The following LPL variants were observed in gnomAD, a reference collection of about 807,000 sequenced individuals.
LPL encodes phospholipase A1.
LPL carries 43 observed loss-of-function variants against 52.2 expected under a neutral mutation model. The ratio of observed to expected loss-of-function variants is 0.82; its 90% confidence interval spans 0.64 to 1.06. The LOEUF is 1.06. Ranked by LOEUF, LPL falls within the 50% of genes least tolerant of loss-of-function variation. The pLI is 0.00. For synonymous variants in LPL, 244 were observed against 215.6 expected (o/e 1.13, Z -1.15); for missense variants, 639 against 585.3 (o/e 1.09, Z -0.95).
At chr8:19,955,530 G>T (rs1401917486) in intron 5 of LPL, among the ~76,000 whole-genome samples, 1 of 152,122 alleles carries the variant, frequency 6.6e-6, no homozygotes, top group Non-Finnish European at 1.5e-5. Context: ...GTAAGAGAAG[G>T]ATGAGATAAA....
Position 19,955,828 on chromosome 8 carries a change from C to G in LPL, c.776-13C>G. On this transcript the variant is annotated splice_polypyrimidine_tract_variant and intron_variant, in intron 5 of 9. Transcript: ENST00000650287. ...CTGCCGAGATACAATCTTGGTGTCTCTTTTTTACCCAGATGTGGACCAGCT... is the reference window on the plus strand; with the variant it reads ...CTGCCGAGATACAATCTTGGTGTCTGTTTTTTACCCAGATGTGGACCAGCT... The G allele has an allele frequency of 6.2e-7, 1 of 1,614,104 alleles. No individual in the cohort carries two copies.
intron 1 of LPL, among the ~76,000 whole-genome samples, chr8:19,947,233 G>A (rs769327264): frequency 7.9e-5 from 12 of 152,008 alleles, no homozygotes; most frequent in East Asian, 1.9e-4. Flanking sequence ...GGCCCGGCCC[G>A]ATGGCTCACA....
rs1184131332 is a variant in LPL at position 19,939,606 on chromosome 8, A to G, written c.88+78A>G. The stretch of plus-strand genomic sequence containing the variant: ...TGCCACCCGAACTGAGGATGAGAAG[A>G]AGGAAGTTGGAAGGGGCGGTGGATG... On this transcript the variant is annotated intron_variant, in intron 1 of 9. Transcript: ENST00000650287. This position sits in a 1 kb window ranked among gnomAD's most constrained non-coding sequence, Gnocchi z 4.0. The G allele has an allele frequency of 1.4e-6, 2 of 1,452,590 alleles. No individual in the cohort carries two copies. Among genetic ancestry groups the G allele is most frequent in the Non-Finnish European group, 1.9e-6 (2 of 1,064,102 alleles). 90.0% of individuals were successfully genotyped at this position (1,452,590 alleles called of 1,614,324 possible).
chr8:19,940,046 C>G (rs2128835290), intron 1 of LPL, among the ~76,000 whole-genome samples: 1 of 152,084 alleles, frequency 6.6e-6, no homozygotes, highest in Admixed American at 6.5e-5. Flanking sequence ...GGGAGGCGTT[C>G]CGGGCATCTC....
rs114997087 is a variant in LPL at position 19,946,684 on chromosome 8, T to A, written c.89-1496T>A. ...ATCTAAAATCTACAAGTTATTACCTTCTTACAGTAAATAGGTGGGTGTTAT... is the reference window on the plus strand; with the variant it reads ...ATCTAAAATCTACAAGTTATTACCTACTTACAGTAAATAGGTGGGTGTTAT... On this transcript the variant is annotated intron_variant, in intron 1 of 9. Transcript: ENST00000650287. 6.1e-3 allele frequency: 1,005 copies of A among 165,236 alleles called. 11 individuals carry two copies. The highest frequency in any genetic ancestry group is 0.023 in the African/African-American group (963 of 41,768). 10.2% of individuals were successfully genotyped at this position (165,236 alleles called of 1,614,324 possible).
rs1192550003 is a variant in LPL, at chr8:19,950,879, G to GAGGAAGGAAGGAAGGAAGGA, written c.250-873_250-872insGGAAGGAAGGAAGGAAGGAA. 3.1e-5 allele frequency among the ~76,000 whole-genome samples: 4 copies of GAGGAAGGAAGGAAGGAAGGA among 127,558 alleles called. No individual in the cohort carries two copies. The highest frequency in any genetic ancestry group is 9.1e-5 in the African/African-American group (3 of 32,970). The allele number at this position is 127,558 out of a possible 152,430, so 83.7% of individuals were successfully genotyped here. On this transcript the variant is annotated intron_variant, in intron 2 of 9. Coordinates refer to ENST00000650287, the MANE Select transcript of LPL (RefSeq NM_000237.3). The surrounding 1 kb of genome is among the most constrained non-coding windows in gnomAD (Gnocchi z 4.2). ...GGAAGGAGGAAGGGAAGGAGGGAGG[G>GAGGAAGGAAGGAAGGAAGGA]AGGAAGGAAGGAAGGAATGAAGGAA... is the stretch of plus-strand genomic sequence containing the variant.
rs1478754328 is a variant in LPL, at chr8:19,954,210, C to A, written c.632C>A (p.Thr211Lys). The change falls in exon 5 of 10, where the codon ACA becomes AAA. Residue 211 changes from threonine to lysine, a missense_variant. Transcript: ENST00000650287. ...GCAGATTTTGTAGACGTCTTACACA[C>A]ATTCACCAGAGGGTCCCCTGGTCGA... Reference protein sequence around the residue: ...DDADFVDVLHTFTRGSPGRSI... With the variant: ...DDADFVDVLHKFTRGSPGRSI... The A allele has an allele frequency of 6.2e-7, 1 of 1,614,202 alleles. No individual in the cohort carries two copies. The highest frequency in any genetic ancestry group is 1.1e-5 in the South Asian group (1 of 91,090).
rs1427026246 is a variant in LPL at position 19,962,232 on chromosome 8, G to A, written c.1427+13G>A. 6 of 1,605,526 alleles carry A rather than the reference G, an allele frequency of 3.7e-6. No homozygotes were observed. Among genetic ancestry groups the A allele is most frequent in the East Asian group, 2.2e-5 (1 of 44,798 alleles). On this transcript the variant is annotated intron_variant, in intron 9 of 9. Transcript: ENST00000650287. The stretch of plus-strand genomic sequence containing the variant: ...AGAAGTCAGGCTGGTGAGCATTCTG[G>A]GCTAAAGCTGACTGGGCATCCTGAG...
Position 19,962,171 on chromosome 8 carries a change from C to T in LPL, c.1379C>T (p.Ala460Val), listed in dbSNP as rs150319057. Residue 460 changes from alanine (A) to valine (V), a missense_variant, in exon 9 of 10, where the codon GCG (alanine) becomes GTG (valine). Physicochemically the swap from Ala to Val is moderately conservative, Grantham distance 64 (BLOSUM62 0). Coordinates refer to ENST00000650287, the MANE Select transcript of LPL (RefSeq NM_000237.3). ...VSHLQKGKAPAVFVKCHDKSL... is the reference protein window; with the variant it reads ...VSHLQKGKAPVVFVKCHDKSL... ...CATTTGCAGAAAGGAAAGGCACCTG[C>T]GGTATTTGTGAAATGCCATGACAAG... The T allele has an allele frequency of 9.9e-5, 159 of 1,613,852 alleles. 1 individual carries two copies. The African/African-American group carries it at 1.6e-3, about 16-fold the overall frequency.
chr8:19,956,723 C>A (rs1471716353), intron 6 of LPL, among the ~76,000 whole-genome samples: 1 of 152,168 alleles, frequency 6.6e-6, no homozygotes, highest in African/African-American at 2.4e-5. Context: ...GGTTTCATGC[C>A]ACCATAACAG....
chr8:19,943,123 G>A (rs2069854234), intron 1 of LPL, among the ~76,000 whole-genome samples: 1 of 152,160 alleles, frequency 6.6e-6, no homozygotes, highest in Admixed American at 6.5e-5. Context: ...AACCCACTTT[G>A]GTGTGTGCGC....
chr8:19,940,429 A>C (rs2069825532), intron 1 of LPL, among the ~76,000 whole-genome samples: 1 of 152,184 alleles, frequency 6.6e-6, no homozygotes, highest in South Asian at 2.1e-4. Flanking sequence ...CGCCGCGTGG[A>C]GGCAGCGAGC....
Position 19,953,906 on chromosome 8 carries a change from C to T in LPL, c.542-214C>T, listed in dbSNP as rs253. ...GAAATCCAGCCATCCTGAGTGGAAACTGCTGCATAAGGCTAGTTTAAGAGA... is the reference window on the plus strand; with the variant it reads ...GAAATCCAGCCATCCTGAGTGGAAATTGCTGCATAAGGCTAGTTTAAGAGA... On this transcript the variant is annotated intron_variant, in intron 4 of 9. Transcript: ENST00000650287. Among the ~76,000 whole-genome samples the T allele has an allele frequency of 0.52, 79,441 of 152,066 alleles. 22,085 individuals carry two copies. Among genetic ancestry groups the T allele is most frequent in the African/African-American group, 0.72 (30,010 of 41,498 alleles).
At chr8:19,964,204 G>T (rs913322436) in intron 9 of LPL, among the ~76,000 whole-genome samples, 1 of 151,874 alleles carries the variant, frequency 6.6e-6, no homozygotes, top group Non-Finnish European at 1.5e-5. Context: ...CACCTGCCTC[G>T]GCCTCCCAAA....
Position 19,939,471 on chromosome 8 carries a change from C to T in LPL, c.31C>T (p.Leu11=). 6.2e-7 allele frequency: 1 copy of T among 1,611,082 alleles called. No individual in the cohort carries two copies. The highest frequency in any genetic ancestry group is 8.5e-7 in the Non-Finnish European group (1 of 1,179,138). The change falls in exon 1 of 10, where the codon CTG becomes TTG. Residue 11 remains leucine, a synonymous_variant. Transcript: ENST00000650287. The surrounding 1 kb of genome is among the most constrained non-coding windows in gnomAD (Gnocchi z 4.0). The part of the protein sequence containing the change: MESKALLVLT[L]AVWLQSLTAS... ...GAGCAAAGCCCTGCTCGTGCTGACT[C>T]TGGCCGTGTGGCTCCAGAGTCTGAC...
rs558060726 is a variant in LPL at position 19,950,923 on chromosome 8, A to G, written c.250-846A>G. Among the ~76,000 whole-genome samples the G allele has an allele frequency of 6.9e-6, 1 of 145,764 alleles. No homozygotes were observed. Among genetic ancestry groups the G allele is most frequent in the Non-Finnish European group, 1.6e-5 (1 of 64,510 alleles). On this transcript the variant is annotated intron_variant, in intron 2 of 9. Coordinates refer to ENST00000650287, the MANE Select transcript of LPL (RefSeq NM_000237.3). The surrounding 1 kb of genome is among the most constrained non-coding windows in gnomAD (Gnocchi z 4.2). The stretch of plus-strand genomic sequence containing the variant: ...GAAGGAAGGAAGGAAGGAATGAAGG[A>G]AGGAAGGAAGGGAGGGAGGAAGAAA...
intron 1 of LPL, among the ~76,000 whole-genome samples, chr8:19,945,487 A>G (rs2069875329): frequency 6.6e-6 from 1 of 152,232 alleles, no homozygotes; most frequent in African/African-American, 2.4e-5. Flanking sequence ...TTAAAAGTGA[A>G]ATGAAAGTCT....
intron 9 of LPL, among the ~76,000 whole-genome samples, chr8:19,962,884 C>T (rs1231509445): frequency 2.0e-5 from 3 of 152,210 alleles, no homozygotes; most frequent in Non-Finnish European, 4.4e-5. Context: ...CTTTCCAGAG[C>T]GTCAGTACTG....
chr8:19,966,442 A>T lies in LPL; in HGVS notation c.*1132A>T, dbSNP rs2070090210. ...CGTGCAATGAGCCAGATGGAGTACC[A>T]TGAGGGTTGCTATTTGTTGTTTTTA... On this transcript the variant is annotated 3_prime_UTR_variant, in exon 10 of 10. Coordinates refer to ENST00000650287, the MANE Select transcript of LPL (RefSeq NM_000237.3). 6.6e-6 allele frequency: 1 copy of T among 152,218 alleles called. No individual in the cohort carries two copies. The highest frequency in any genetic ancestry group is 1.5e-5 in the Non-Finnish European group (1 of 68,048). 9.4% of individuals were successfully genotyped at this position (152,218 alleles called of 1,614,324 possible).
Sources: gnomAD v4.1 joint callset for allele counts (sites outside exome capture counted in the v4.1 genomes callset) on GRCh38, gnomAD v4.1.1 for gene constraint, Gnocchi (gnomAD v3.1) non-coding constraint, MANE v1.5 for transcripts, NCBI Gene and HGNC (gene_info 2026-07-23, HGNC 2026-07-21) for gene names.